CSMD1: variants seen among roughly 807,000 people sequenced by gnomAD.
The protein encoded by CSMD1 is CUB and Sushi multiple domains 1.
In CSMD1, 213 loss-of-function variants were observed where a neutral mutation model predicts 417.5. The observed-to-expected ratio is 0.51, with a 90% CI of 0.46 to 0.57. The LOEUF is 0.57. CSMD1 is among the 20% of genes least tolerant of loss of function. The probability of loss-of-function intolerance (pLI) is 0.00; values close to 1 mark genes in which losing one functional copy is unlikely to be tolerated. For missense variants in CSMD1, 6,923 were observed against 4,529.7 expected, an observed-to-expected ratio of 1.53 and a Z score of -15.17; for synonymous variants, 2,862 against 1,736.8, an observed-to-expected ratio of 1.65 and a Z score of -16.11.
intron 1 of CSMD1, among the ~76,000 whole-genome samples, chr8:4,879,051 A>T (rs1281403228): frequency 6.6e-6 from 1 of 152,032 alleles, no homozygotes; most frequent in Non-Finnish European, 1.5e-5. Context: ...TCAAGGGTTA[A>T]GGTAGTAAGA....
chr8:4,099,665 C>T (rs1255223818), intron 3 of CSMD1, among the ~76,000 whole-genome samples: 3 of 152,002 alleles, frequency 2.0e-5, no homozygotes, highest in African/African-American at 7.2e-5. Flanking sequence ...ATGCAGTCTG[C>T]TTATTTAAAT....
intron 1 of CSMD1, among the ~76,000 whole-genome samples, chr8:4,978,680 G>A (rs142778284): frequency 0.024 from 3,636 of 152,266 alleles, 65 homozygotes; most frequent in Middle Eastern, 0.037. Context: ...GCTCATTCCT[G>A]TAATCCCAGC....
intron 25 of CSMD1, among the ~76,000 whole-genome samples, chr8:3,295,957 T>G (rs1469906224): frequency 1.3e-5 from 2 of 152,124 alleles, no homozygotes; most frequent in Non-Finnish European, 2.9e-5. Context: ...AGTTGAGTCC[T>G]GCCTTCGTGG....
chr8:4,464,400 A>G (rs1002238193), intron 2 of CSMD1, among the ~76,000 whole-genome samples: 1 of 152,234 alleles, frequency 6.6e-6, no homozygotes, highest in African/African-American at 2.4e-5. Flanking sequence ...TAACCTGCAA[A>G]ACATTGTAGC....
chr8:3,596,387 C>G (rs568393864), intron 8 of CSMD1, among the ~76,000 whole-genome samples: 1 of 152,274 alleles, frequency 6.6e-6, no homozygotes, highest in Non-Finnish European at 1.5e-5. Flanking sequence ...CAGGGCAGAC[C>G]TTTGGGGCCT....
At chr8:4,051,527 C>A (rs964784688) in intron 3 of CSMD1, among the ~76,000 whole-genome samples, 1 of 152,126 alleles carries the variant, frequency 6.6e-6, no homozygotes, top group African/African-American at 2.4e-5. Flanking sequence ...CAAAATGCAA[C>A]TTCGAATCAG....
chr8:4,736,397 G>C (rs755662322), intron 1 of CSMD1, among the ~76,000 whole-genome samples: 1 of 152,102 alleles, frequency 6.6e-6, no homozygotes, highest in Non-Finnish European at 1.5e-5. Flanking sequence ...GAGAGAGAGA[G>C]AGCAATGATT....
chr8:4,039,532 T>C (rs1797780675), intron 3 of CSMD1, among the ~76,000 whole-genome samples: 2 of 152,162 alleles, frequency 1.3e-5, no homozygotes, highest in South Asian at 2.1e-4. Context: ...AAAGCATTTA[T>C]GACAAAAGCA....
At chr8:4,401,284 G>C (rs1444935860) in intron 3 of CSMD1, among the ~76,000 whole-genome samples, 3 of 152,050 alleles carry the variant, frequency 2.0e-5, no homozygotes, top group African/African-American at 4.8e-5. Context: ...CTGTAATCAA[G>C]TCAAAGTGCT....
intron 1 of CSMD1, among the ~76,000 whole-genome samples, chr8:4,796,855 C>CT (rs1001468211): frequency 1.3e-5 from 2 of 152,140 alleles, no homozygotes; most frequent in East Asian, 3.9e-4. Context: ...TTGCAAAGGT[C>CT]TGGGGTCAGG....
chr8:4,936,884 T>C (rs1242529973), intron 1 of CSMD1, among the ~76,000 whole-genome samples: 2 of 152,252 alleles, frequency 1.3e-5, no homozygotes, highest in East Asian at 3.8e-4. Context: ...TTGTTCAAAT[T>C]ATTATTTTCT....
chr8:3,257,461 C>A (rs960085944), intron 26 of CSMD1, among the ~76,000 whole-genome samples: 1 of 152,126 alleles, frequency 6.6e-6, no homozygotes, highest in Non-Finnish European at 1.5e-5. Context: ...AAAATACAAC[C>A]AAGTAATAAA....
At chr8:4,427,177 C>T (rs985383869) in intron 2 of CSMD1, among the ~76,000 whole-genome samples, 3 of 152,084 alleles carry the variant, frequency 2.0e-5, no homozygotes, top group Non-Finnish European at 4.4e-5. Flanking sequence ...TGGGTAAGTC[C>T]AGATGGGTGT....
intron 68 of CSMD1, among the ~76,000 whole-genome samples, chr8:2,946,346 G>A (rs1285317506): frequency 6.6e-6 from 1 of 152,138 alleles, no homozygotes; most frequent in East Asian, 1.9e-4. Flanking sequence ...GAAGATTGGT[G>A]TCCCTCCAAA....
intron 1 of CSMD1, among the ~76,000 whole-genome samples, chr8:4,766,210 A>G (rs2117122304): frequency 6.6e-6 from 1 of 152,312 alleles, no homozygotes; most frequent in Non-Finnish European, 1.5e-5. Context: ...CTAACAGAGC[A>G]TGTGCTGGTG....
intron 26 of CSMD1, among the ~76,000 whole-genome samples, chr8:3,271,924 C>G (rs1191382814): frequency 1.3e-5 from 2 of 152,106 alleles, no homozygotes; most frequent in Non-Finnish European, 2.9e-5. Context: ...TGCAGAAGCT[C>G]TTCAGTTTAA....
chr8:4,913,561 A>C (rs1428573989), intron 1 of CSMD1, among the ~76,000 whole-genome samples: 1 of 152,188 alleles, frequency 6.6e-6, no homozygotes, highest in Non-Finnish European at 1.5e-5. Context: ...GAACGCCACC[A>C]ACATATGCGT....
intron 7 of CSMD1, among the ~76,000 whole-genome samples, chr8:3,646,131 T>C (rs1797558580): frequency 5.3e-5 from 8 of 151,760 alleles, no homozygotes; most frequent in Admixed American, 5.3e-4. Context: ...TGAAGAATGC[T>C]TATTAACACT....
At chr8:4,119,303 C>A (rs1314551795) in intron 3 of CSMD1, among the ~76,000 whole-genome samples, 1 of 152,066 alleles carries the variant, frequency 6.6e-6, no homozygotes, top group Admixed American at 6.6e-5. Flanking sequence ...ATCTAAATGT[C>A]AACAGGCAAA....
Sources: allele counts gnomAD v4.1 joint callset (sites outside exome capture counted in the v4.1 genomes callset), GRCh38; gene constraint gnomAD v4.1.1; transcripts MANE v1.5; gene names NCBI Gene and HGNC (gene_info 2026-07-23, HGNC 2026-07-21).